The following ADARB1 variants were observed in gnomAD, a reference collection of about 807,000 sequenced individuals.
The protein encoded by ADARB1 is double-stranded RNA-specific editase 1.
A neutral mutation model predicts 52.4 loss-of-function variants in ADARB1; 10 were observed. The observed-to-expected ratio is 0.19, with a 90% CI of 0.12 to 0.32. The LOEUF (loss-of-function observed/expected upper bound fraction) is 0.32. Among genes scored for constraint, ADARB1 ranks in the 10% least tolerant of loss-of-function variants. The probability of loss-of-function intolerance (pLI) is 1.00; values close to 1 mark genes in which losing one functional copy is unlikely to be tolerated. For synonymous variants in ADARB1, 349 were observed against 371.1 expected (o/e 0.94, Z 0.68); for missense variants, 643 against 922.3 (o/e 0.70, Z 3.92).
At chr21:45,086,863 C>T (rs1218236650) in intron 1 of ADARB1, among the ~76,000 whole-genome samples, 1 of 152,186 alleles carries the variant, frequency 6.6e-6, no homozygotes, top group African/African-American at 2.4e-5. Flanking sequence ...GAGTTTAAGA[C>T]AGAAGCCTTT....
At chr21:45,075,255 G>T (rs1303102961) in intron 1 of ADARB1, among the ~76,000 whole-genome samples, 3 of 150,858 alleles carry the variant, frequency 2.0e-5, no homozygotes, top group African/African-American at 7.3e-5. Flanking sequence ...GGGAGGCTGC[G>T]TTGGCAACAA....
chr21:45,182,232 C>G (rs2091955844), intron 5 of ADARB1, among the ~76,000 whole-genome samples: 1 of 152,190 alleles, frequency 6.6e-6, no homozygotes, highest in Non-Finnish European at 1.5e-5. Flanking sequence ...ACCAGTTAGT[C>G]CACCTTTCCA....
chr21:45,150,424 TATA>T (rs934194672), intron 2 of ADARB1, among the ~76,000 whole-genome samples: 25 of 152,348 alleles, frequency 1.6e-4, no homozygotes, highest in African/African-American at 6.0e-4. Flanking sequence ...ATTATTAAGT[TATA>T]AGATATAAAG....
chr21:45,109,366 G>A (rs1349780725), intron 1 of ADARB1, among the ~76,000 whole-genome samples: 1 of 152,232 alleles, frequency 6.6e-6, no homozygotes, highest in Non-Finnish European at 1.5e-5. Flanking sequence ...GAGTCCTGTG[G>A]CACCACCGAG....
At chr21:45,190,146 T>C (rs2092241633) in intron 8 of ADARB1, among the ~76,000 whole-genome samples, 1 of 152,128 alleles carries the variant, frequency 6.6e-6, no homozygotes, top group South Asian at 2.1e-4. Context: ...CATTCTTTTT[T>C]CTTTTTGCTC....
At chr21:45,218,506 G>A (rs560225179) in intron 9 of ADARB1, among the ~76,000 whole-genome samples, 51 of 152,148 alleles carry the variant, frequency 3.4e-4, no homozygotes, top group Non-Finnish European at 5.9e-4. Flanking sequence ...TCTGATCAGT[G>A]CTCCGCAGGA....
rs1254005300 is a variant in ADARB1 at position 45,128,818 on chromosome 21, T to C, written c.-48+245T>C. ...GCCCTCCAGTGGCATGTGTGGCACC[T>C]GCTGCCCTCCAGTGGCATGTGTGGC... On this transcript the variant is annotated intron_variant, in intron 2 of 10. Coordinates refer to ENST00000348831, the MANE Select transcript of ADARB1 (RefSeq NM_001112.4). This position sits in a 1 kb window ranked among gnomAD's most constrained non-coding sequence, Gnocchi z 4.6. Among the ~76,000 whole-genome samples the C allele has an allele frequency of 2.6e-5, 4 of 152,226 alleles. No homozygotes were observed. Among genetic ancestry groups the C allele is most frequent in the Non-Finnish European group, 5.9e-5 (4 of 68,036 alleles).
At chr21:45,101,193 G>A (rs1471983984) in intron 1 of ADARB1, 20 of 152,354 alleles carry the variant, frequency 1.3e-4, no homozygotes, top group Admixed American at 1.3e-3. Flanking sequence ...GCCCACGGCT[G>A]TTAACGATCA....
intron 2 of ADARB1, among the ~76,000 whole-genome samples, chr21:45,152,140 G>A (rs750101821): frequency 1.2e-4 from 19 of 152,214 alleles, no homozygotes; most frequent in African/African-American, 3.9e-4. Flanking sequence ...ATCAGCTGGC[G>A]TCTGCTGAGC....
intron 1 of ADARB1, among the ~76,000 whole-genome samples, chr21:45,080,420 A>AAGGGAGGCGGGACTTCAGG (rs1324493544): frequency 2.0e-4 from 31 of 152,274 alleles, no homozygotes; most frequent in African/African-American, 7.2e-4. Flanking sequence ...TCAGCTCTAG[A>AAGGGAGGCGGGACTTCAGG]AGGGAGGCGG....
intron 2 of ADARB1, among the ~76,000 whole-genome samples, chr21:45,138,577 A>C (rs1023741005): frequency 2.0e-5 from 3 of 152,066 alleles, no homozygotes; most frequent in Admixed American, 6.6e-5. Context: ...CCCTCAGCAT[A>C]TTTTCACCTG....
chr21:45,086,494 G>A (rs963572042), intron 1 of ADARB1, among the ~76,000 whole-genome samples: 3 of 152,118 alleles, frequency 2.0e-5, no homozygotes, highest in East Asian at 1.9e-4. Flanking sequence ...GTTGATTCGC[G>A]CACCCAGCCC....
At position 45,222,109 on chromosome 21, in the gene ADARB1, C is replaced by A; in HGVS notation, c.2018C>A (p.Ala673Glu). 1 of 1,613,072 alleles carries A rather than the reference C, an allele frequency of 6.2e-7. No homozygotes were observed. The highest frequency in any genetic ancestry group is 8.5e-7 in the Non-Finnish European group (1 of 1,179,790). ...GCAAAGGAGTACCAGGCCGCCAAGGCGCGTCTGTTCACAGCCTTCATCAAG... is the reference window on the plus strand; with the variant it reads ...GCAAAGGAGTACCAGGCCGCCAAGGAGCGTCTGTTCACAGCCTTCATCAAG... ...LAAKEYQAAK[A>E]RLFTAFIKAG... is the part of the protein sequence containing the mutation. Residue 673 changes from alanine (A) to glutamate (E), a missense_variant, in exon 11 of 11, where the codon GCG becomes GAG. This residue lies in a region of ADARB1 where 263 missense variants were observed against 475.8 expected (regional missense o/e 0.55). Transcript: ENST00000348831.
chr21:45,104,803 C>G (rs2087175009), intron 1 of ADARB1, among the ~76,000 whole-genome samples: 1 of 152,194 alleles, frequency 6.6e-6, no homozygotes, highest in African/African-American at 2.4e-5. Context: ...TCACACAGAG[C>G]AGCTCCACAC....
At chr21:45,135,873 C>T (rs753727253) in intron 2 of ADARB1, among the ~76,000 whole-genome samples, 7 of 152,194 alleles carry the variant, frequency 4.6e-5, no homozygotes, top group African/African-American at 1.2e-4. Context: ...TCACCCTCCC[C>T]GGTGGGTCCT....
At chr21:45,217,714 G>A (rs193070388) in intron 9 of ADARB1, among the ~76,000 whole-genome samples, 66 of 152,084 alleles carry the variant, frequency 4.3e-4, no homozygotes, top group African/African-American at 1.4e-3. Context: ...TCTGGCTGGA[G>A]GACTTCCTTT....
At chr21:45,150,504 T>C (rs1569074125) in intron 2 of ADARB1, among the ~76,000 whole-genome samples, 1 of 152,194 alleles carries the variant, frequency 6.6e-6, no homozygotes, top group African/African-American at 2.4e-5. Context: ...ACTTTGAAAA[T>C]TTAGTTAAAT....
At chr21:45,212,042 C>G (rs2092779375) in intron 9 of ADARB1, among the ~76,000 whole-genome samples, 1 of 132,246 alleles carries the variant, frequency 7.6e-6, no homozygotes, top group Admixed American at 7.5e-5. Flanking sequence ...ATATTTTGTA[C>G]TATTGGGATC....
At chr21:45,087,993 G>A (rs1044314426) in intron 1 of ADARB1, among the ~76,000 whole-genome samples, 1 of 152,206 alleles carries the variant, frequency 6.6e-6, no homozygotes, top group African/African-American at 2.4e-5. Flanking sequence ...GATAATGAGA[G>A]CCAGGTTTCT....
Sources: allele counts gnomAD v4.1 joint callset (sites outside exome capture counted in the v4.1 genomes callset), GRCh38; gene constraint gnomAD v4.1.1; regional missense constraint gnomAD v4.1.1; non-coding constraint Gnocchi (gnomAD v3.1); transcripts MANE v1.5; gene names NCBI Gene and HGNC (gene_info 2026-07-23, HGNC 2026-07-21).